Variants in CDH18 observed in about 807,000 individuals in gnomAD.
The protein encoded by CDH18 is cadherin 18.
In CDH18, 31 loss-of-function variants were observed where a neutral mutation model predicts 67.9. That is an observed-to-expected ratio of 0.46 (90% CI 0.34 to 0.62). The LOEUF (loss-of-function observed/expected upper bound fraction) is 0.62. CDH18 is among the 20% of genes least tolerant of loss of function. CDH18 has a pLI of 0.01. For missense variants in CDH18, 890 were observed against 975.5 expected (o/e 0.91, Z 1.17); for synonymous variants, 362 against 347.2 (o/e 1.04, Z -0.48).
At chr5:19,591,710 T>C (rs1016993698) in intron 6 of CDH18, among the ~76,000 whole-genome samples, 10 of 152,062 alleles carry the variant, frequency 6.6e-5, no homozygotes, top group Non-Finnish European at 1.3e-4. Flanking sequence ...TTTGTGAATA[T>C]AGATAATTAT....
chr5:20,020,421 T>C (rs1010644892), intron 2 of CDH18, among the ~76,000 whole-genome samples: 2 of 152,146 alleles, frequency 1.3e-5, no homozygotes, highest in African/African-American at 4.8e-5. Context: ...GAGACCTTCA[T>C]GGCAGCTCCT....
intron 1 of CDH18, among the ~76,000 whole-genome samples, chr5:20,516,779 C>T (rs1282731378): frequency 1.3e-5 from 2 of 151,638 alleles, no homozygotes; most frequent in Admixed American, 1.3e-4. Flanking sequence ...GATGTATTAC[C>T]TTGTATTTTT....
At chr5:20,093,687 T>TA (rs1745640035) in intron 2 of CDH18, among the ~76,000 whole-genome samples, 1 of 152,178 alleles carries the variant, frequency 6.6e-6, no homozygotes, top group Non-Finnish European at 1.5e-5. Context: ...GAGAGCTGGC[T>TA]AGGTAATCAG....
At chr5:19,965,456 C>T (rs568689156) in intron 2 of CDH18, among the ~76,000 whole-genome samples, 10 of 152,204 alleles carry the variant, frequency 6.6e-5, no homozygotes, top group African/African-American at 2.4e-4. Flanking sequence ...CTATATCTGA[C>T]TTTACTATAT....
At chr5:20,399,615 T>A (rs1210522663) in intron 1 of CDH18, among the ~76,000 whole-genome samples, 1 of 152,182 alleles carries the variant, frequency 6.6e-6, no homozygotes, top group Admixed American at 6.5e-5. Flanking sequence ...TGGAGTTAAT[T>A]GATTTTAGAG....
chr5:20,460,391 C>CTAAATACA (rs1257147498), intron 1 of CDH18, among the ~76,000 whole-genome samples: 3 of 124,980 alleles, frequency 2.4e-5, no homozygotes, highest in African/African-American at 9.2e-5. Flanking sequence ...GACTCCATCT[C>CTAAATACA]TAAATACATA....
intron 5 of CDH18, among the ~76,000 whole-genome samples, chr5:19,660,948 A>T: frequency 6.6e-6 from 1 of 152,046 alleles, no homozygotes. Context: ...AAGCAACAAT[A>T]GAAAACTAAT....
chr5:20,054,784 C>T (rs1741758235), intron 2 of CDH18, among the ~76,000 whole-genome samples: 2 of 152,156 alleles, frequency 1.3e-5, no homozygotes, highest in African/African-American at 4.8e-5. Context: ...CCCCATTCTA[C>T]AAAAGTATGG....
chr5:20,527,116 C>T (rs2126540575), intron 1 of CDH18, among the ~76,000 whole-genome samples: 1 of 152,116 alleles, frequency 6.6e-6, no homozygotes, highest in South Asian at 2.1e-4. Flanking sequence ...ATGATGAAAA[C>T]ACAAGTATCA....
intron 3 of CDH18, among the ~76,000 whole-genome samples, chr5:19,763,064 C>G (rs1203076859): frequency 6.6e-6 from 1 of 152,076 alleles, no homozygotes; most frequent in Non-Finnish European, 1.5e-5. Context: ...CACTTGGACA[C>G]AAGGCAGGGA....
chr5:19,934,601 T>C (rs190165221), intron 2 of CDH18, among the ~76,000 whole-genome samples: 167 of 151,516 alleles, frequency 1.1e-3, no homozygotes, highest in African/African-American at 3.8e-3. Context: ...TTCATAAAAC[T>C]AAAAAAGAGC....
chr5:19,479,144 G>T (rs1298693249), intron 12 of CDH18, among the ~76,000 whole-genome samples: 1 of 152,064 alleles, frequency 6.6e-6, no homozygotes, highest in Non-Finnish European at 1.5e-5. Flanking sequence ...ATTCTCACAG[G>T]TTTAGAAATA....
At chr5:19,870,344 T>C (rs72740855) in intron 2 of CDH18, among the ~76,000 whole-genome samples, 3,914 of 152,238 alleles carry the variant, frequency 0.026, 91 homozygotes, top group Non-Finnish European at 0.032. Flanking sequence ...TTCTACTTTA[T>C]GCTATCCTAA....
At chr5:20,204,775 G>C (rs1197627338) in intron 2 of CDH18, among the ~76,000 whole-genome samples, 1 of 151,482 alleles carries the variant, frequency 6.6e-6, no homozygotes, top group East Asian at 1.9e-4. Flanking sequence ...GAAGTGTAAA[G>C]GGTTTTTTTT....
chr5:20,034,784 A>C (rs916279998), intron 2 of CDH18, among the ~76,000 whole-genome samples: 21 of 152,010 alleles, frequency 1.4e-4, no homozygotes, highest in South Asian at 6.2e-4. Flanking sequence ...CTTACAATAG[A>C]TCTCTCTCTT....
chr5:19,674,422 T>C (rs1580810075), intron 5 of CDH18, among the ~76,000 whole-genome samples: 1 of 152,276 alleles, frequency 6.6e-6, no homozygotes, highest in African/African-American at 2.4e-5. Context: ...TGTCTCACTT[T>C]CTTTCTTTTT....
intron 3 of CDH18, among the ~76,000 whole-genome samples, chr5:19,761,823 A>G (rs948978315): frequency 1.3e-5 from 2 of 152,152 alleles, no homozygotes; most frequent in Admixed American, 6.5e-5. Flanking sequence ...GAGGCATCAT[A>G]CTACCTGACT....
intron 1 of CDH18, among the ~76,000 whole-genome samples, chr5:20,284,903 TCTA>T (rs985690226): frequency 7.1e-4 from 108 of 151,990 alleles, no homozygotes; most frequent in Non-Finnish European, 1.4e-3. Context: ...TAGCACATGG[TCTA>T]TAATGTTGTA....
At chr5:19,552,650 A>T (rs756642495) in intron 8 of CDH18, among the ~76,000 whole-genome samples, 4 of 152,188 alleles carry the variant, frequency 2.6e-5, no homozygotes, top group Non-Finnish European at 4.4e-5. Context: ...TGTATGATCA[A>T]TGATCAATAA....
Sources: allele counts gnomAD v4.1 joint callset (sites outside exome capture counted in the v4.1 genomes callset), GRCh38; gene constraint gnomAD v4.1.1; transcripts MANE v1.5; gene names NCBI Gene and HGNC (gene_info 2026-07-23, HGNC 2026-07-21).